The following XPC variants were observed in gnomAD, a reference collection of about 807,000 sequenced individuals.
XPC encodes XPC complex subunit, DNA damage recognition and repair factor.
XPC carries 76 observed loss-of-function variants against 95.8 expected under a neutral mutation model. That is an observed-to-expected ratio of 0.79 (90% CI 0.66 to 0.96). XPC has a LOEUF of 0.96. Among genes scored for constraint, XPC ranks in the 40% least tolerant of loss-of-function variants. XPC has a pLI of 0.00. For missense variants in XPC, 1,146 were observed against 1,179.8 expected (o/e 0.97, Z 0.42); for synonymous variants, 442 against 442.1 (o/e 1.00, Z 0.00).
At chr3:14,166,225 C>T (rs1696373252) in intron 5 of XPC, among the ~76,000 whole-genome samples, 1 of 152,154 alleles carries the variant, frequency 6.6e-6, no homozygotes, top group Non-Finnish European at 1.5e-5. Flanking sequence ...AACAGCCTCC[C>T]TATTTTAATC....
At chr3:14,170,892 A>G (rs1574975312) in intron 2 of XPC, among the ~76,000 whole-genome samples, 1 of 152,236 alleles carries the variant, frequency 6.6e-6, no homozygotes, top group Admixed American at 6.5e-5. Flanking sequence ...TCTGTGTGAT[A>G]TATGTGCAGT....
rs1252372804 is a variant in XPC, at chr3:14,168,244, G to T, written c.536+13C>A. ...CATGTGACAGGAGCCTAGAAGCAAG[G>T]GCCTAAGCTTACCTTCTTTCTCTTG... On this transcript the variant is annotated intron_variant, in intron 4 of 15. Transcript: ENST00000285021. The T allele has an allele frequency of 6.2e-7, 1 of 1,606,836 alleles. No individual in the cohort carries two copies. Among genetic ancestry groups the T allele is most frequent in the Admixed American group, 1.7e-5 (1 of 58,140 alleles).
chr3:14,167,381 T>C, intron 4 of XPC, 128 bp from the exon 5 acceptor site: 1 of 801,254 alleles, frequency 1.2e-6, no homozygotes. Context: ...AAGGCTGTGC[T>C]ACTCAAGTCC....
At chr3:14,170,934 A>C (rs1696586713) in intron 2 of XPC, among the ~76,000 whole-genome samples, 1 of 152,202 alleles carries the variant, frequency 6.6e-6, no homozygotes, top group Non-Finnish European at 1.5e-5. Flanking sequence ...TAAAATCTCC[A>C]TTTATATATC....
At chr3:14,176,469 T>G (rs1352942371) in intron 1 of XPC, among the ~76,000 whole-genome samples, 1 of 152,236 alleles carries the variant, frequency 6.6e-6, no homozygotes, top group Non-Finnish European at 1.5e-5. Context: ...ATGTTTTACA[T>G]GTAAATGTCA....
intron 15 of XPC, among the ~76,000 whole-genome samples, chr3:14,146,995 G>T (rs887336375): frequency 6.6e-6 from 1 of 152,196 alleles, no homozygotes; most frequent in Non-Finnish European, 1.5e-5. Context: ...CAGGACACTT[G>T]GCCCTCCCTA....
At position 14,158,778 on chromosome 3, in the gene XPC, CTT is replaced by C. The variant is rs1450238352; in HGVS notation, c.1103_1104del (p.Gln368ArgfsTer6). The C allele has an allele frequency of 5.6e-6, 9 of 1,613,818 alleles. No homozygotes were observed. Among genetic ancestry groups the C allele is most frequent in the Admixed American group, 1.7e-5 (1 of 60,002 alleles). ...TKPKTSKGTK[Q>X]EETFAKGTCR... ...CAGGTGCCCTTAGCAAAGGTTTCCT[CTT>C]GTTTGGTTCCTTTGCTGGTCTTTGG... On this transcript the variant is annotated frameshift_variant, in exon 9 of 16. Coordinates refer to ENST00000285021, the MANE Select transcript of XPC (RefSeq NM_004628.5). LOFTEE classifies it high-confidence loss of function. The surrounding 1 kb of genome is among the most constrained non-coding windows in gnomAD (Gnocchi z 5.2).
chr3:14,147,844 A>C, intron 14 of XPC, 64 bp downstream of exon 14: 1 of 1,462,072 alleles, frequency 6.8e-7, no homozygotes, highest in Non-Finnish European at 9.4e-7. Context: ...TGGGGAAGGA[A>C]GAGGCCACCC....
chr3:14,152,601 C>T, intron 10 of XPC, 185 bp from the exon 11 acceptor site: 2 of 540,168 alleles, frequency 3.7e-6, no homozygotes, highest in South Asian at 5.2e-5. Context: ...GACTGCCTGT[C>T]TTTTGGGGGA....
chr3:14,155,607 G>C (rs79613338), intron 10 of XPC, among the ~76,000 whole-genome samples: 6,900 of 151,898 alleles, frequency 0.045, 363 homozygotes, highest in East Asian at 0.22. Context: ...ACCCAGGCTG[G>C]AGTGCAGTGG....
intron 10 of XPC, among the ~76,000 whole-genome samples, chr3:14,155,424 C>A (rs939415099): frequency 5.3e-5 from 8 of 151,786 alleles, no homozygotes; most frequent in South Asian, 2.1e-4. Context: ...TTTTTCTTAC[C>A]TCAAAATTGT....
intron 7 of XPC, among the ~76,000 whole-genome samples, chr3:14,161,055 G>A (rs1050375770): frequency 6.6e-6 from 1 of 152,186 alleles, no homozygotes; most frequent in African/African-American, 2.4e-5. Flanking sequence ...TCAGGTTACA[G>A]AACTGTACGA....
chr3:14,147,969 T>G lies in XPC; in HGVS notation c.2453A>C (p.Lys818Thr). The G allele has an allele frequency of 6.3e-7, 1 of 1,599,410 alleles. No individual in the cohort carries two copies. Among genetic ancestry groups the G allele is most frequent in the Non-Finnish European group, 8.5e-7 (1 of 1,172,428 alleles). The change falls in exon 14 of 16, where the codon AAA becomes ACA. Residue 818 changes from lysine (K) to threonine (T), a missense_variant. By Grantham distance (78) the Lys-to-Thr change is moderately conservative (BLOSUM62 -1). Coordinates refer to ENST00000285021, the MANE Select transcript of XPC (RefSeq NM_004628.5). ...TTCCCAGGCAGTCAGGAGCACGTCTTTGAATTCCTCGCAGACGATGTATCC... is the reference window on the plus strand; with the variant it reads ...TTCCCAGGCAGTCAGGAGCACGTCTGTGAATTCCTCGCAGACGATGTATCC... The part of the protein sequence containing the change: ...TDGYIVCEEF[K>T]DVLLTAWENE...
chr3:14,169,291 G>A (rs983607063), intron 3 of XPC, among the ~76,000 whole-genome samples: 2 of 151,580 alleles, frequency 1.3e-5, no homozygotes, highest in African/African-American at 2.4e-5. Flanking sequence ...AGGATTCTTG[G>A]AAAAAAAATA....
chr3:14,156,499 C>T lies in XPC; in HGVS notation c.1873-4G>A, dbSNP rs777065886. On this transcript the variant is annotated splice_polypyrimidine_tract_variant and splice_region_variant and intron_variant, in intron 9 of 15. Transcript: ENST00000285021. ...GGTCCATGTGTTTAGCCTGAAACTG[C>T]AAAGGCCAGACAGACAAGGTTGAGC... 4 of 1,613,754 alleles carry T rather than the reference C, an allele frequency of 2.5e-6. No homozygotes were observed. The highest frequency in any genetic ancestry group is 1.3e-5 in the African/African-American group (1 of 75,028).
intron 10 of XPC, among the ~76,000 whole-genome samples, chr3:14,154,795 T>A (rs973112875): frequency 2.9e-4 from 43 of 150,744 alleles, no homozygotes; most frequent in African/African-American, 1.0e-3. Context: ...GTAAATTTTA[T>A]AATATTTATA....
intron 1 of XPC, among the ~76,000 whole-genome samples, chr3:14,174,718 T>C (rs2125048162): frequency 6.6e-6 from 1 of 152,320 alleles, no homozygotes; most frequent in South Asian, 2.1e-4. Context: ...AAAAACGATA[T>C]ATGATGTAAT....
intron 1 of XPC, among the ~76,000 whole-genome samples, chr3:14,173,641 A>G (rs1696700131): frequency 6.6e-6 from 1 of 152,204 alleles, no homozygotes; most frequent in African/African-American, 2.4e-5. Context: ...CAATAATTCA[A>G]AAGTATTTTC....
chr3:14,156,656 G>C (rs954071328), intron 9 of XPC, among the ~76,000 whole-genome samples, 161 bp from the exon 10 acceptor site: 6 of 152,236 alleles, frequency 3.9e-5, no homozygotes, highest in African/African-American at 1.4e-4. Context: ...CCTCCGGCCA[G>C]TAAGTCAGTT....
Sources: allele counts gnomAD v4.1 joint callset (sites outside exome capture counted in the v4.1 genomes callset), GRCh38; gene constraint gnomAD v4.1.1; non-coding constraint Gnocchi (gnomAD v3.1); transcripts MANE v1.5; gene names NCBI Gene and HGNC (gene_info 2026-07-23, HGNC 2026-07-21).